Variants in KCNT2 observed in about 807,000 individuals in gnomAD.
KCNT2 encodes the protein potassium channel subfamily T member 2.
A neutral mutation model predicts 153.8 loss-of-function variants in KCNT2; 67 were observed. The ratio of observed to expected loss-of-function variants is 0.44; its 90% CI spans 0.36 to 0.53. The LOEUF (loss-of-function observed/expected upper bound fraction) is 0.53, where lower values mean the gene tolerates loss of function less well. Ranked by LOEUF, KCNT2 falls within the 20% of genes least tolerant of loss-of-function variation. KCNT2 has a pLI of 0.00. For synonymous variants in KCNT2, 500 were observed against 458.8 expected (o/e 1.09, Z -1.15); for missense variants, 975 against 1,354.8 (o/e 0.72, Z 4.40).
chr1:196,576,641 C>T (rs1661416571), intron 1 of KCNT2, among the ~76,000 whole-genome samples: 1 of 151,780 alleles, frequency 6.6e-6, no homozygotes, highest in Admixed American at 6.6e-5. Context: ...CCAATATGTT[C>T]CTCAATATCT....
chr1:196,411,065 CCTTCCTTCCTTCCTTCCT>C (rs1672268982), intron 12 of KCNT2, among the ~76,000 whole-genome samples: 2 of 2,346 alleles, frequency 8.5e-4, no homozygotes, highest in South Asian at 0.1. Flanking sequence ...TTCCCTCCTT[CCTTCCTTCCTTCCTTCCT>C]TCCTTCCTTC....
chr1:196,558,908 G>T (rs567318140), intron 1 of KCNT2, among the ~76,000 whole-genome samples: 49 of 151,442 alleles, frequency 3.2e-4, no homozygotes, highest in African/African-American at 1.1e-3. Flanking sequence ...TTTAAGAAAA[G>T]GTGTAATATC....
intron 8 of KCNT2, among the ~76,000 whole-genome samples, chr1:196,448,932 A>C (rs1328827517): frequency 6.6e-6 from 1 of 151,776 alleles, no homozygotes; most frequent in Non-Finnish European, 1.5e-5. Flanking sequence ...AATTGTGGCA[A>C]TAAAAATACT....
At chr1:196,529,675 C>A (rs1217868486) in intron 1 of KCNT2, among the ~76,000 whole-genome samples, 2 of 152,048 alleles carry the variant, frequency 1.3e-5, no homozygotes, top group Non-Finnish European at 2.9e-5. Context: ...TTCAGCATTG[C>A]TTGGCAGACT....
At chr1:196,484,042 C>T (rs1679220502) in intron 3 of KCNT2, among the ~76,000 whole-genome samples, 1 of 152,018 alleles carries the variant, frequency 6.6e-6, no homozygotes, top group South Asian at 2.1e-4. Flanking sequence ...GGATAGATGC[C>T]CAGTTTTGTA....
At chr1:196,413,777 A>C (rs1672531172) in intron 12 of KCNT2, among the ~76,000 whole-genome samples, 1 of 151,688 alleles carries the variant, frequency 6.6e-6, no homozygotes, top group Non-Finnish European at 1.5e-5. Context: ...AAGAATACAA[A>C]ATTTTATATA....
intron 16 of KCNT2, among the ~76,000 whole-genome samples, chr1:196,337,466 C>T (rs1439416232): frequency 1.3e-5 from 2 of 152,066 alleles, no homozygotes; most frequent in African/African-American, 4.8e-5. Flanking sequence ...ATAATTCCCA[C>T]TTCACTGAGA....
At chr1:196,293,859 C>CA (rs571759690) in intron 22 of KCNT2, among the ~76,000 whole-genome samples, 2,529 of 115,124 alleles carry the variant, frequency 0.022, 29 homozygotes, top group Middle Eastern at 0.089. Flanking sequence ...TCTGCACAGT[C>CA]AAAAAAAAAA....
chr1:196,377,306 G>C (rs1211563326), intron 13 of KCNT2, among the ~76,000 whole-genome samples: 1 of 151,862 alleles, frequency 6.6e-6, no homozygotes, highest in Non-Finnish European at 1.5e-5. Context: ...GGGAGAGAGA[G>C]TACATTTTCA....
chr1:196,497,548 G>A (rs1680354420), intron 1 of KCNT2, among the ~76,000 whole-genome samples: 1 of 152,066 alleles, frequency 6.6e-6, no homozygotes, highest in Admixed American at 6.6e-5. Flanking sequence ...AGGCACTTGA[G>A]CATTGTGGAT....
At chr1:196,468,257 A>T (rs771374095) in intron 6 of KCNT2, among the ~76,000 whole-genome samples, 7 of 152,084 alleles carry the variant, frequency 4.6e-5, no homozygotes, top group Admixed American at 1.3e-4. Context: ...CATTTAATCT[A>T]GTTCCAGTTG....
At chr1:196,260,448 C>T (rs182563692) in intron 25 of KCNT2, among the ~76,000 whole-genome samples, 2 of 151,762 alleles carry the variant, frequency 1.3e-5, no homozygotes, top group African/African-American at 4.8e-5. Context: ...ATTAGTTAAG[C>T]AATATTTAAT....
intron 16 of KCNT2, among the ~76,000 whole-genome samples, chr1:196,336,020 T>C (rs1664991809): frequency 6.6e-6 from 1 of 152,106 alleles, no homozygotes; most frequent in Non-Finnish European, 1.5e-5. Flanking sequence ...TCCACCCTCT[T>C]GACAAAATAG....
chr1:196,369,361 C>A (rs1055892069), intron 14 of KCNT2, among the ~76,000 whole-genome samples: 4 of 151,896 alleles, frequency 2.6e-5, no homozygotes, highest in Admixed American at 6.6e-5. Context: ...TTTTAGGGTA[C>A]ATGTGCACAT....
At position 196,340,348 on chromosome 1, in the gene KCNT2, G is replaced by A; in HGVS notation, c.1776C>T (p.Ala592=). ...PSRLPVHSII[A]SMGTVAIDLQ... is the part of the protein sequence containing the mutation. Reference sequence around the variant, plus strand: ...AAATTTGTTTATACTTACCCATGCTGGCAATTATGCTATGTACAGGTAATC... The same window carrying A: ...AAATTTGTTTATACTTACCCATGCTAGCAATTATGCTATGTACAGGTAATC... Residue 592 remains alanine, a synonymous_variant, in exon 16 of 28, where the codon GCC becomes GCT. Coordinates refer to ENST00000294725, the MANE Select transcript of KCNT2 (RefSeq NM_198503.5). 1 of 1,562,972 alleles carries A rather than the reference G, an allele frequency of 6.4e-7. No individual in the cohort carries two copies. The highest frequency in any genetic ancestry group is 1.2e-5 in the South Asian group (1 of 81,922).
chr1:196,252,789 A>C (rs1180750033), intron 26 of KCNT2, among the ~76,000 whole-genome samples: 2 of 151,358 alleles, frequency 1.3e-5, no homozygotes, highest in Non-Finnish European at 3.0e-5. Context: ...TTGTCTAAAA[A>C]TATTATTTGC....
At chr1:196,334,483 C>CTTTTTTTTTTTT (rs757677685) in intron 16 of KCNT2, among the ~76,000 whole-genome samples, 1 of 42,340 alleles carries the variant, frequency 2.4e-5, no homozygotes. Context: ...TTCTTTCTTT[C>CTTTTTTTTTTTT]TTTCTTTTTT....
chr1:196,281,343 C>A (rs1659073970), intron 24 of KCNT2, among the ~76,000 whole-genome samples: 1 of 152,134 alleles, frequency 6.6e-6, no homozygotes, highest in Non-Finnish European at 1.5e-5. Context: ...GGCAATAGAG[C>A]ACTGGTAATT....
intron 8 of KCNT2, among the ~76,000 whole-genome samples, chr1:196,443,760 G>C (rs1205783008): frequency 6.6e-6 from 1 of 151,514 alleles, no homozygotes; most frequent in Non-Finnish European, 1.5e-5. Context: ...TGTCTTGAAA[G>C]ATATTTCTAA....
Sources: allele counts gnomAD v4.1 joint callset (sites outside exome capture counted in the v4.1 genomes callset), GRCh38; gene constraint gnomAD v4.1.1; transcripts MANE v1.5; gene names NCBI Gene and HGNC (gene_info 2026-07-23, HGNC 2026-07-21).